Variants in MSI2 observed in about 807,000 individuals in gnomAD.
MSI2 encodes RNA-binding protein Musashi homolog 2.
A neutral mutation model predicts 45.6 loss-of-function variants in MSI2; 17 were observed. The ratio of observed to expected loss-of-function variants is 0.37; its 90% CI spans 0.26 to 0.56. MSI2 has a LOEUF of 0.56. Ranked by LOEUF, MSI2 falls within the 20% of genes least tolerant of loss-of-function variation. The probability of loss-of-function intolerance (pLI) is 0.77; values close to 1 mark genes in which losing one functional copy is unlikely to be tolerated. For synonymous variants in MSI2, 156 were observed against 158.2 expected (o/e 0.99, Z 0.11); for missense variants, 293 against 444.2 (o/e 0.66, Z 3.06).
chr17:57,393,918 G>C lies in MSI2; in HGVS notation c.313-7461G>C, dbSNP rs138310821. On this transcript the variant is annotated intron_variant, in intron 5 of 13. Transcript: ENST00000284073. ...GCTAGTCTCAAACTACTGACCTCAG[G>C]TGATCCACCTGCCTTGGCCTCCCAA... is the stretch of plus-strand genomic sequence containing the variant. 4.6e-5 allele frequency among the ~76,000 whole-genome samples: 7 copies of C among 152,306 alleles called. No individual in the cohort carries two copies. The East Asian group carries it at 1.2e-3, about 25-fold the overall frequency.
At chr17:57,500,397 C>CTT (rs35873324) in intron 6 of MSI2, among the ~76,000 whole-genome samples, 13 of 141,926 alleles carry the variant, frequency 9.2e-5, no homozygotes, top group Admixed American at 1.4e-4. Context: ...TGAGTTGCGT[C>CTT]TTTTTTTTTT....
At position 57,552,066 on chromosome 17, in the gene MSI2, G is replaced by A. The variant is rs1394417435; in HGVS notation, c.454+22342G>A. 6.6e-6 allele frequency among the ~76,000 whole-genome samples: 1 copy of A among 152,090 alleles called. No homozygotes were observed. The highest frequency in any genetic ancestry group is 1.5e-5 in the Non-Finnish European group (1 of 68,022). On this transcript the variant is annotated intron_variant, in intron 7 of 13. Coordinates refer to ENST00000284073, the MANE Select transcript of MSI2 (RefSeq NM_138962.4). The surrounding 1 kb of genome is among the most constrained non-coding windows in gnomAD (Gnocchi z 4.3). ...GAATGTGCTGGACCTAGAGCCCCTC[G>A]TCCTGGGGCTCAAGGACCCAGCTCA...
chr17:57,320,794 G>A (rs1208843346), intron 5 of MSI2, among the ~76,000 whole-genome samples: 1 of 152,106 alleles, frequency 6.6e-6, no homozygotes, highest in East Asian at 1.9e-4. Context: ...ACCAAGCAAA[G>A]GGGTCCTGCA....
chr17:57,663,697 G>A (rs777703874), intron 11 of MSI2, among the ~76,000 whole-genome samples: 11 of 152,202 alleles, frequency 7.2e-5, no homozygotes, highest in Admixed American at 3.3e-4. Context: ...GTCCAGTTTT[G>A]CTGTGTCCTT....
chr17:57,506,568 G>A (rs2086233746), intron 6 of MSI2, among the ~76,000 whole-genome samples: 1 of 152,156 alleles, frequency 6.6e-6, no homozygotes, highest in African/African-American at 2.4e-5. Flanking sequence ...CCGTCCCCGA[G>A]AACAGCCATT....
At chr17:57,603,532 C>T (rs1906157290) in intron 8 of MSI2, among the ~76,000 whole-genome samples, 1 of 152,222 alleles carries the variant, frequency 6.6e-6, no homozygotes, top group South Asian at 2.1e-4. Flanking sequence ...ACCTGGAGGT[C>T]TCGGCCTGTT....
intron 7 of MSI2, among the ~76,000 whole-genome samples, chr17:57,577,011 G>A (rs2144345758): frequency 6.6e-6 from 1 of 152,196 alleles, no homozygotes; most frequent in East Asian, 1.9e-4. Context: ...TTTTAAGAGG[G>A]GCATTGACAA....
At chr17:57,686,166 G>A (rs532919044), downstream of MSI2, among the ~76,000 whole-genome samples, 5 of 152,282 alleles carry the variant, frequency 3.3e-5, no homozygotes, top group East Asian at 1.9e-4. Flanking sequence ...AAATGTCAGC[G>A]TCAGTGTTGA....
intron 7 of MSI2, among the ~76,000 whole-genome samples, chr17:57,559,695 C>T (rs1000502198): frequency 5.9e-5 from 9 of 152,280 alleles, no homozygotes; most frequent in African/African-American, 2.2e-4. Flanking sequence ...TCCCTGCACC[C>T]TGGCTTTGTT....
intron 11 of MSI2, among the ~76,000 whole-genome samples, chr17:57,660,095 G>C (rs987753430): frequency 5.3e-4 from 81 of 152,316 alleles, no homozygotes; most frequent in African/African-American, 1.9e-3. Context: ...CTCCATAGAA[G>C]AGTGGGCTTC....
intron 7 of MSI2, among the ~76,000 whole-genome samples, chr17:57,575,073 G>A (rs368751694): frequency 5.9e-5 from 9 of 151,584 alleles, no homozygotes; most frequent in Admixed American, 1.3e-4. Flanking sequence ...CTCGTGATCC[G>A]CCCACCTTGG....
chr17:57,286,476 A>G (rs1466538082), intron 5 of MSI2, among the ~76,000 whole-genome samples: 2 of 151,758 alleles, frequency 1.3e-5, no homozygotes, highest in Non-Finnish European at 2.9e-5. Context: ...TCCTGCTGAG[A>G]GCACTTTTGT....
chr17:57,323,444 C>A (rs757360838), intron 5 of MSI2, among the ~76,000 whole-genome samples: 1 of 152,226 alleles, frequency 6.6e-6, no homozygotes, highest in South Asian at 2.1e-4. Flanking sequence ...TGCGGGGGTC[C>A]GCTGGGCACT....
chr17:57,674,942 C>T lies in MSI2; in HGVS notation c.791-30C>T, dbSNP rs774064122. 3 of 1,611,778 alleles carry T rather than the reference C, an allele frequency of 1.9e-6. No individual in the cohort carries two copies. The Admixed American group carries it at 5.0e-5, about 27-fold the overall frequency. On this transcript the variant is annotated intron_variant, in intron 11 of 13. Coordinates refer to ENST00000284073, the MANE Select transcript of MSI2 (RefSeq NM_138962.4). ...GTCCTGAATAGCTACAGTGCTCAAC[C>T]GAATTTTGGCGCGCCCGCTTCCCCG...
At chr17:57,699,014 GGA>G in the MSI2 span, among the ~76,000 whole-genome samples, 25 of 23,584 alleles carry the variant, frequency 1.1e-3, 2 homozygotes, top group South Asian at 3.1e-3. Flanking sequence ...GAAGAGGCGA[GGA>G]GAGAGAGAGA....
At chr17:57,541,739 T>C (rs1276011205) in intron 7 of MSI2, among the ~76,000 whole-genome samples, 2 of 152,192 alleles carry the variant, frequency 1.3e-5, no homozygotes, top group African/African-American at 4.8e-5. Context: ...CCTGGTTTGG[T>C]TGGCAAACCA....
chr17:57,442,130 G>A lies in MSI2; in HGVS notation c.405+40659G>A, dbSNP rs137879329. ...CGGCTCACTGGGTCCTCCACCTCCC[G>A]GGTTCAAGCGATTCTCCTGCCTCAG... On this transcript the variant is annotated intron_variant, in intron 6 of 13. Transcript: ENST00000284073. 6.1e-3 allele frequency among the ~76,000 whole-genome samples: 924 copies of A among 151,122 alleles called. 9 individuals carry two copies. The highest frequency in any genetic ancestry group is 0.021 in the African/African-American group (877 of 41,004).
Position 57,511,176 on chromosome 17 carries a change from G to A in MSI2, c.406-18500G>A, listed in dbSNP as rs375830405. ...ATGGTGCACTGAGTCCCCAGAGCAG[G>A]GTCCCAGGTGCAGCCTGAAGGATGG... On this transcript the variant is annotated intron_variant, in intron 6 of 13. Transcript: ENST00000284073. Among the ~76,000 whole-genome samples the A allele has an allele frequency of 3.6e-3, 552 of 152,320 alleles. 37 individuals are homozygous for A. In the South Asian group the frequency reaches 0.11, roughly 30 times the overall value.
At chr17:57,295,468 G>A (rs1910838741) in intron 5 of MSI2, among the ~76,000 whole-genome samples, 1 of 152,152 alleles carries the variant, frequency 6.6e-6, no homozygotes, top group Non-Finnish European at 1.5e-5. Context: ...CAAAAAGTTG[G>A]TCAGTTTTTG....
Sources: gnomAD v4.1 joint callset for allele counts (sites outside exome capture counted in the v4.1 genomes callset) on GRCh38, gnomAD v4.1.1 for gene constraint, Gnocchi (gnomAD v3.1) non-coding constraint, MANE v1.5 for transcripts, NCBI Gene and HGNC (gene_info 2026-07-23, HGNC 2026-07-21) for gene names.